RNF180: variants seen among roughly 807,000 people sequenced by gnomAD.
RNF180 encodes E3 ubiquitin-protein ligase RNF180.
RNF180 carries 38 observed loss-of-function variants against 59.2 expected under a neutral mutation model. The ratio of observed to expected loss-of-function variants is 0.64; its 90% CI spans 0.50 to 0.84. RNF180 has a LOEUF of 0.84. Ranked by LOEUF, RNF180 falls within the 40% of genes least tolerant of loss-of-function variation. RNF180 has a pLI of 0.00. For synonymous variants in RNF180, 262 were observed against 240.3 expected, an observed-to-expected ratio of 1.09 and a Z score of -0.84; for missense variants, 705 against 700.9, an observed-to-expected ratio of 1.01 and a Z score of -0.07.
rs538381747 is a variant in RNF180, at chr5:64,220,406, A to G, written c.1227+3010A>G. Among the ~76,000 whole-genome samples, 7 of 152,046 alleles carry G rather than the reference A, an allele frequency of 4.6e-5. No homozygotes were observed. The South Asian group carries it at 1.0e-3, about 23-fold the overall frequency. On this transcript the variant is annotated intron_variant, in intron 5 of 7. Transcript: ENST00000389100. ...TCCTTTACTGTATTAGCTGTATACT[A>G]TAAATTTTATTATGTGATATTTTTA...
chr5:64,289,163 C>A (rs1742442520), intron 5 of RNF180, among the ~76,000 whole-genome samples: 1 of 152,002 alleles, frequency 6.6e-6, no homozygotes, highest in Admixed American at 6.6e-5. Flanking sequence ...TGGTTTTTGT[C>A]TTTAGTTCTG....
In RNF180 at chr5:64,306,860, A is replaced by T. The variant is rs545960188; in HGVS notation, c.1228-18326A>T. On this transcript the variant is annotated intron_variant, in intron 5 of 7. Transcript: ENST00000389100. Reference sequence around the variant, plus strand: ...GAGGAGGGAGGGATAGCATTAGGAGATATACCTAATGCTAAATGACAAGTT... The same window carrying T: ...GAGGAGGGAGGGATAGCATTAGGAGTTATACCTAATGCTAAATGACAAGTT... Among the ~76,000 whole-genome samples, 7 of 151,626 alleles carry T rather than the reference A, an allele frequency of 4.6e-5. No homozygotes were observed. In the East Asian group the frequency reaches 1.2e-3, roughly 25 times the overall value.
At chr5:64,256,883 A>T (rs907509034) in intron 5 of RNF180, among the ~76,000 whole-genome samples, 1 of 152,152 alleles carries the variant, frequency 6.6e-6, no homozygotes, top group Non-Finnish European at 1.5e-5. Flanking sequence ...TTCGTTGAGC[A>T]GTGGTTTGTA....
At chr5:64,327,111 C>T (rs989466745) in intron 6 of RNF180, among the ~76,000 whole-genome samples, 6 of 151,942 alleles carry the variant, frequency 3.9e-5, no homozygotes, top group African/African-American at 4.8e-5. Context: ...TCATAGTAGT[C>T]TTTAATGGTC....
At chr5:64,166,726 C>T (rs190197279) in intron 1 of RNF180, among the ~76,000 whole-genome samples, 9 of 152,178 alleles carry the variant, frequency 5.9e-5, no homozygotes, top group Admixed American at 4.6e-4. Context: ...TACTATTATC[C>T]CATTTTATAG....
Position 64,334,326 on chromosome 5 carries a change from C to T in RNF180, c.1579+3920C>T, listed in dbSNP as rs145945885. On this transcript the variant is annotated intron_variant, in intron 7 of 7. Coordinates refer to ENST00000389100, the MANE Select transcript of RNF180 (RefSeq NM_001113561.2). ...GGTGCTGGGAATATGAATATAAATACGTAAAAGTGTATATGCAGCCAGGGG... is the reference window on the plus strand; with the variant it reads ...GGTGCTGGGAATATGAATATAAATATGTAAAAGTGTATATGCAGCCAGGGG... Among the ~76,000 whole-genome samples, 95 of 152,258 alleles carry T rather than the reference C, an allele frequency of 6.2e-4. 1 individual carries two copies. Among genetic ancestry groups the T allele is most frequent in the Non-Finnish European group, 1.2e-3 (79 of 68,008 alleles).
rs565224673 is a variant in RNF180 at position 64,262,520 on chromosome 5, A to G, written c.1227+45124A>G. On this transcript the variant is annotated intron_variant, in intron 5 of 7. Transcript: ENST00000389100. ...CCATGGCATAGAGTCCAAACTACCAATGAGTGTGAATTTGAAATATGTGTG... is the reference window on the plus strand; with the variant it reads ...CCATGGCATAGAGTCCAAACTACCAGTGAGTGTGAATTTGAAATATGTGTG... Among the ~76,000 whole-genome samples the G allele has an allele frequency of 9.2e-5, 14 of 152,248 alleles. No individual in the cohort carries two copies. The South Asian group carries it at 2.5e-3, about 27-fold the overall frequency.
chr5:64,255,581 T>G (rs1743894076), intron 5 of RNF180, among the ~76,000 whole-genome samples: 1 of 152,242 alleles, frequency 6.6e-6, no homozygotes, highest in Non-Finnish European at 1.5e-5. Context: ...TGCCACATTT[T>G]CTTAATCCAA....
At chr5:64,176,957 T>C (rs1874168) in intron 1 of RNF180, among the ~76,000 whole-genome samples, 3,568 of 152,236 alleles carry the variant, frequency 0.023, 129 homozygotes, top group African/African-American at 0.075. Context: ...AATGGTATTA[T>C]AGGTAAATTG....
chr5:64,205,406 G>A (rs1751965113), intron 2 of RNF180, among the ~76,000 whole-genome samples: 2 of 152,138 alleles, frequency 1.3e-5, no homozygotes, highest in Non-Finnish European at 2.9e-5. Context: ...TAGATGAAAT[G>A]TGGGCAAAAA....
intron 5 of RNF180, among the ~76,000 whole-genome samples, chr5:64,314,806 T>G (rs961815466): frequency 6.6e-6 from 1 of 152,172 alleles, no homozygotes; most frequent in Non-Finnish European, 1.5e-5. Flanking sequence ...GCCACTTGTT[T>G]TAGTTGAATT....
chr5:64,232,382 C>A (rs1224317974), intron 5 of RNF180, among the ~76,000 whole-genome samples: 1 of 152,088 alleles, frequency 6.6e-6, no homozygotes, highest in Non-Finnish European at 1.5e-5. Flanking sequence ...GGATAGGCCC[C>A]AGACAGTTTT....
chr5:64,314,965 G>A (rs1743963487), intron 5 of RNF180, among the ~76,000 whole-genome samples: 4 of 152,184 alleles, frequency 2.6e-5, no homozygotes, highest in Admixed American at 2.6e-4. Flanking sequence ...ATGTAGTCTT[G>A]ACACCTGATA....
intron 5 of RNF180, among the ~76,000 whole-genome samples, chr5:64,233,278 A>G (rs1341095584): frequency 6.6e-6 from 1 of 152,230 alleles, no homozygotes; most frequent in Non-Finnish European, 1.5e-5. Context: ...TTTAAGTGTT[A>G]AAGCATTAGA....
rs1441031343 is a variant in RNF180 at position 64,213,610 on chromosome 5, G to A, written c.284G>A (p.Gly95Glu). The change falls in exon 4 of 8, where the codon GGG (glycine) becomes GAG (glutamate). Residue 95 changes from glycine (G) to glutamate (E), a missense_variant. Coordinates refer to ENST00000389100, the MANE Select transcript of RNF180 (RefSeq NM_001113561.2). ...TGTCCTTTCTGTGGGGCCCGTTTAG[G>A]GGGCTTTAATTTTGTCAGCACTCCA... is the stretch of plus-strand genomic sequence containing the variant. ...LNCPFCGARLGGFNFVSTPKC... is the reference protein window; with the variant it reads ...LNCPFCGARLEGFNFVSTPKC... 6.2e-7 allele frequency: 1 copy of A among 1,613,946 alleles called. No homozygotes were observed. The highest frequency in any genetic ancestry group is 1.7e-5 in the Admixed American group (1 of 59,994).
chr5:64,266,258 G>T (rs1744673230), intron 5 of RNF180, among the ~76,000 whole-genome samples: 1 of 151,922 alleles, frequency 6.6e-6, no homozygotes, highest in Non-Finnish European at 1.5e-5. Flanking sequence ...CTTAATATGT[G>T]TCAATGCCAC....
chr5:64,317,939 C>CA (rs1197429754), intron 5 of RNF180, among the ~76,000 whole-genome samples: 2 of 152,172 alleles, frequency 1.3e-5, no homozygotes, highest in Non-Finnish European at 2.9e-5. Context: ...TCTTCTAACA[C>CA]AAAGCCTGTT....
chr5:64,219,901 T>A (rs937316070), intron 5 of RNF180, among the ~76,000 whole-genome samples: 2 of 152,176 alleles, frequency 1.3e-5, no homozygotes, highest in Non-Finnish European at 2.9e-5. Flanking sequence ...TGAAAGGCAT[T>A]TAACTATGAA....
At chr5:64,194,752 G>T (rs1437172753) in intron 1 of RNF180, among the ~76,000 whole-genome samples, 20 of 152,176 alleles carry the variant, frequency 1.3e-4, no homozygotes, top group Non-Finnish European at 5.9e-5. Context: ...CTGTTGGCCA[G>T]TGATGATGAG....
Sources: allele counts gnomAD v4.1 joint callset (sites outside exome capture counted in the v4.1 genomes callset), GRCh38; gene constraint gnomAD v4.1.1; transcripts MANE v1.5; gene names NCBI Gene and HGNC (gene_info 2026-07-23, HGNC 2026-07-21).